Variants in NRXN3 observed in about 807,000 individuals in gnomAD.
NRXN3 encodes the protein neurexin III.
A neutral mutation model predicts 137.6 loss-of-function variants in NRXN3; 32 were observed. The observed-to-expected ratio is 0.23, with a 90% CI of 0.18 to 0.31. NRXN3 has a LOEUF of 0.31. NRXN3 is among the 10% of genes least tolerant of loss of function. The pLI, the probability that NRXN3 is intolerant of heterozygous loss-of-function variation, is 1.00. For synonymous variants in NRXN3, 798 were observed against 784.5 expected (o/e 1.02, Z -0.29); for missense variants, 1,574 against 2,062.5 (o/e 0.76, Z 4.59).
At chr14:78,221,140 A>G (rs2063807965) in intron 1 of NRXN3, among the ~76,000 whole-genome samples, 1 of 152,120 alleles carries the variant, frequency 6.6e-6, no homozygotes, top group Admixed American at 6.6e-5. Context: ...GTGGAAGTTC[A>G]GGGGATGAGG....
intron 15 of NRXN3, among the ~76,000 whole-genome samples, chr14:79,228,167 C>T (rs972910686): frequency 6.6e-6 from 1 of 152,164 alleles, no homozygotes; most frequent in Admixed American, 6.5e-5. Flanking sequence ...TCTCCTAGAC[C>T]TCTGACAGTT....
At chr14:78,737,976 A>G (rs1302680953) in intron 8 of NRXN3, among the ~76,000 whole-genome samples, 6 of 152,116 alleles carry the variant, frequency 3.9e-5, no homozygotes, top group Non-Finnish European at 8.8e-5. Flanking sequence ...ACGGAAGCCA[A>G]TGGGGCCAAG....
chr14:78,673,872 G>T (rs150161798), intron 6 of NRXN3, among the ~76,000 whole-genome samples: 2 of 152,196 alleles, frequency 1.3e-5, no homozygotes, highest in African/African-American at 4.8e-5. Flanking sequence ...GGCACCTTCC[G>T]TAGGAAGTCT....
At chr14:79,166,307 C>T (rs1421724344) in intron 15 of NRXN3, among the ~76,000 whole-genome samples, 1 of 151,770 alleles carries the variant, frequency 6.6e-6, no homozygotes, top group Non-Finnish European at 1.5e-5. Flanking sequence ...GTTTGAGGGT[C>T]AAACCTAATT....
chr14:79,387,825 A>G (rs1223393999), intron 15 of NRXN3, among the ~76,000 whole-genome samples: 1 of 151,878 alleles, frequency 6.6e-6, no homozygotes, highest in Non-Finnish European at 1.5e-5. Context: ...GAAGCTGGAA[A>G]CCATCATTCT....
chr14:78,539,732 C>T (rs1459990302), intron 4 of NRXN3, among the ~76,000 whole-genome samples: 2 of 152,176 alleles, frequency 1.3e-5, no homozygotes, highest in Non-Finnish European at 2.9e-5. Flanking sequence ...TTCCTGCTTT[C>T]TCTTGTGGGC....
intron 15 of NRXN3, among the ~76,000 whole-genome samples, chr14:79,069,059 G>A (rs1364224838): frequency 2.6e-5 from 4 of 152,198 alleles, no homozygotes; most frequent in Non-Finnish European, 2.9e-5. Flanking sequence ...ATAAGGGGAG[G>A]ATGAATAGAA....
chr14:79,222,238 C>T (rs146378598), intron 15 of NRXN3, among the ~76,000 whole-genome samples: 3,114 of 152,136 alleles, frequency 0.02, 103 homozygotes, highest in African/African-American at 0.072. Flanking sequence ...GCTATACGGG[C>T]TCTTTTTTGG....
chr14:79,800,416 G>T (rs2099174453), intron 19 of NRXN3, among the ~76,000 whole-genome samples: 1 of 152,132 alleles, frequency 6.6e-6, no homozygotes, highest in Non-Finnish European at 1.5e-5. Flanking sequence ...TTTATTAAGT[G>T]GTAAATGTTA....
chr14:79,752,410 G>A (rs1430517233), intron 19 of NRXN3, among the ~76,000 whole-genome samples: 1 of 152,126 alleles, frequency 6.6e-6, no homozygotes, highest in South Asian at 2.1e-4. Flanking sequence ...CAGAAATAAC[G>A]CTGCATATCT....
At chr14:79,751,078 T>G (rs1307746334) in intron 19 of NRXN3, among the ~76,000 whole-genome samples, 1 of 152,110 alleles carries the variant, frequency 6.6e-6, no homozygotes, top group African/African-American at 2.4e-5. Context: ...CCATATGAAC[T>G]TTAAAGTAGT....
intron 15 of NRXN3, among the ~76,000 whole-genome samples, chr14:79,413,575 T>C (rs1219648772): frequency 1.3e-5 from 2 of 152,096 alleles, no homozygotes; most frequent in African/African-American, 4.8e-5. Flanking sequence ...TATGCACTGC[T>C]ACTGAGGTTG....
chr14:78,788,414 G>A (rs545526983), intron 8 of NRXN3, among the ~76,000 whole-genome samples: 2 of 152,186 alleles, frequency 1.3e-5, no homozygotes, highest in East Asian at 1.9e-4. Context: ...TTGCACCTTG[G>A]AATGTGATTC....
chr14:78,385,333 A>G (rs910944287), intron 4 of NRXN3, among the ~76,000 whole-genome samples: 9 of 141,352 alleles, frequency 6.4e-5, no homozygotes, highest in East Asian at 2.1e-4. Context: ...ACACACACAC[A>G]CGCATATAAA....
chr14:78,644,876 T>A (rs1412824542), intron 4 of NRXN3, among the ~76,000 whole-genome samples: 1 of 152,222 alleles, frequency 6.6e-6, no homozygotes, highest in Non-Finnish European at 1.5e-5. Flanking sequence ...GGCAGCAATC[T>A]CTTTTGCACC....
At chr14:78,609,027 G>T (rs1001128558) in intron 4 of NRXN3, among the ~76,000 whole-genome samples, 7 of 152,086 alleles carry the variant, frequency 4.6e-5, no homozygotes, top group African/African-American at 1.7e-4. Context: ...CATTAAGTAT[G>T]CTTTGGGAGG....
At chr14:78,719,107 C>T (rs937357571) in intron 8 of NRXN3, among the ~76,000 whole-genome samples, 2 of 152,218 alleles carry the variant, frequency 1.3e-5, no homozygotes, top group African/African-American at 4.8e-5. Flanking sequence ...TTTATTTGTA[C>T]ATCATGGAGC....
intron 16 of NRXN3, among the ~76,000 whole-genome samples, chr14:79,610,655 T>A (rs1310465110): frequency 1.3e-5 from 2 of 152,224 alleles, no homozygotes; most frequent in Non-Finnish European, 2.9e-5. Flanking sequence ...GTTGGTTGAC[T>A]TAGCAATTTA....
At chr14:78,668,503 G>C (rs754682699) in intron 6 of NRXN3, among the ~76,000 whole-genome samples, 27 of 152,182 alleles carry the variant, frequency 1.8e-4, no homozygotes, top group Non-Finnish European at 3.1e-4. Flanking sequence ...TGAAACTAGG[G>C]TGGAGGAGTG....
Sources: allele counts gnomAD v4.1 joint callset (sites outside exome capture counted in the v4.1 genomes callset), GRCh38; gene constraint gnomAD v4.1.1; transcripts MANE v1.5; gene names NCBI Gene and HGNC (gene_info 2026-07-23, HGNC 2026-07-21).